The following ANKS1B variants were observed in gnomAD, a reference collection of about 807,000 sequenced individuals.
ANKS1B encodes ankyrin repeat and sterile alpha motif domain containing 1B.
ANKS1B carries 36 observed loss-of-function variants against 148.3 expected under a neutral mutation model. The observed-to-expected ratio is 0.24, with a 90% confidence interval of 0.19 to 0.32. The LOEUF (loss-of-function observed/expected upper bound fraction) is 0.32, where lower values mean the gene tolerates loss of function less well. Ranked by LOEUF, ANKS1B falls within the 10% of genes least tolerant of loss-of-function variation. The pLI is 1.00. For missense variants in ANKS1B, 1,157 were observed against 1,542.6 expected, an observed-to-expected ratio of 0.75 and a Z score of 4.19; for synonymous variants, 542 against 560.8, an observed-to-expected ratio of 0.97 and a Z score of 0.47.
chr12:99,051,198 C>G (rs1384231158), intron 17 of ANKS1B, among the ~76,000 whole-genome samples: 1 of 152,146 alleles, frequency 6.6e-6, no homozygotes, highest in Non-Finnish European at 1.5e-5. Context: ...AGTGCCCAAG[C>G]TTACATCTTA....
chr12:99,378,867 G>A (rs2093516482), intron 12 of ANKS1B, among the ~76,000 whole-genome samples: 1 of 152,174 alleles, frequency 6.6e-6, no homozygotes, highest in South Asian at 2.1e-4. Context: ...CTCTCAGAGA[G>A]TAGAACCAAA....
In ANKS1B at chr12:99,421,875, A is replaced by C. The variant is rs75848381; in HGVS notation, c.1575+21798T>G. The stretch of plus-strand genomic sequence containing the variant: ...CATGTCTTGGTGCTGTCCTCGTGGC[A>C]ATGTTTTCACAAGATCTGGTTGTTT... On this transcript the variant is annotated intron_variant, in intron 11 of 26. Coordinates refer to ENST00000683438, the MANE Select transcript of ANKS1B (RefSeq NM_001352186.2). 9.0e-3 allele frequency among the ~76,000 whole-genome samples: 1,366 copies of C among 152,170 alleles called. 23 individuals are homozygous for C. The highest frequency in any genetic ancestry group is 0.031 in the African/African-American group (1,288 of 41,506).
At chr12:98,929,411 G>T (rs2099811818) in intron 17 of ANKS1B, among the ~76,000 whole-genome samples, 1 of 151,952 alleles carries the variant, frequency 6.6e-6, no homozygotes, top group Admixed American at 6.6e-5. Context: ...CTTATTTGTA[G>T]AAATTAATGA....
chr12:99,491,288 G>A lies in ANKS1B; in HGVS notation c.1438+13188C>T, dbSNP rs188796557. 1.7e-4 allele frequency among the ~76,000 whole-genome samples: 25 copies of A among 149,084 alleles called. No homozygotes were observed. The East Asian group carries it at 4.2e-3, about 25-fold the overall frequency. ...CCACTGCACTCCAGCCTGGGCGACA[G>A]AGCAAGGCTCCATCTCAGAAAAAAA... On this transcript the variant is annotated intron_variant, in intron 10 of 26. Transcript: ENST00000683438.
At chr12:99,453,406 C>T (rs533804213) in intron 10 of ANKS1B, among the ~76,000 whole-genome samples, 1 of 152,324 alleles carries the variant, frequency 6.6e-6, no homozygotes, top group East Asian at 1.9e-4. Flanking sequence ...AGATCTCTTG[C>T]ACTGAGGAAA....
At chr12:99,569,314 T>G (rs558386002) in intron 9 of ANKS1B, among the ~76,000 whole-genome samples, 1 of 152,320 alleles carries the variant, frequency 6.6e-6, no homozygotes, top group South Asian at 2.1e-4. Context: ...TGAAAAGTGC[T>G]GGGGAACTGG....
At chr12:99,873,731 C>T (rs1044646175) in intron 1 of ANKS1B, among the ~76,000 whole-genome samples, 13 of 152,168 alleles carry the variant, frequency 8.5e-5, no homozygotes, top group South Asian at 2.1e-4. Flanking sequence ...TCAAAGATTC[C>T]ATGATGGCAA....
At chr12:99,181,775 A>G (rs909099311) in intron 14 of ANKS1B, among the ~76,000 whole-genome samples, 1 of 152,000 alleles carries the variant, frequency 6.6e-6, no homozygotes, top group Non-Finnish European at 1.5e-5. Flanking sequence ...CAACAGAAGC[A>G]TTTATTCTTT....
At chr12:99,085,852 C>T (rs1173517139) in intron 15 of ANKS1B, among the ~76,000 whole-genome samples, 4 of 151,876 alleles carry the variant, frequency 2.6e-5, no homozygotes, top group South Asian at 2.1e-4. Context: ...TACACGCTGG[C>T]GCCTGTTGGA....
At chr12:98,812,891 G>A (rs776927170) in intron 19 of ANKS1B, among the ~76,000 whole-genome samples, 4 of 152,124 alleles carry the variant, frequency 2.6e-5, no homozygotes, top group Non-Finnish European at 5.9e-5. Flanking sequence ...TCCAGATACC[G>A]CAGTAGTTTT....
intron 19 of ANKS1B, 57 bp from the exon 20 acceptor site, chr12:98,807,975 A>T: frequency 5.2e-6 from 7 of 1,338,034 alleles, no homozygotes; most frequent in Non-Finnish European, 7.4e-6. Context: ...GGCAGCTACC[A>T]AGGTAGCATC....
chr12:98,922,499 T>C (rs2099802765), intron 17 of ANKS1B, among the ~76,000 whole-genome samples: 1 of 152,120 alleles, frequency 6.6e-6, no homozygotes, highest in Admixed American at 6.5e-5. Flanking sequence ...CTTATTATTA[T>C]TTTATTTTTA....
intron 1 of ANKS1B, among the ~76,000 whole-genome samples, chr12:99,974,544 T>C (rs991476015): frequency 2.0e-5 from 3 of 152,114 alleles, no homozygotes; most frequent in African/African-American, 7.2e-5. Flanking sequence ...ATTTCTCATG[T>C]CTCCAGTCAA....
intron 9 of ANKS1B, among the ~76,000 whole-genome samples, chr12:99,633,284 A>G (rs1267053582): frequency 1.3e-5 from 2 of 152,120 alleles, no homozygotes; most frequent in Non-Finnish European, 2.9e-5. Context: ...GTACCAAAAC[A>G]GAGATACAGA....
At chr12:99,084,322 G>A (rs867177156) in intron 16 of ANKS1B, among the ~76,000 whole-genome samples, 6 of 152,148 alleles carry the variant, frequency 3.9e-5, no homozygotes, top group African/African-American at 1.4e-4. Flanking sequence ...CACCTGGGGG[G>A]CCAGAACTGA....
chr12:99,463,721 G>T, intron 10 of ANKS1B, among the ~76,000 whole-genome samples: 1 of 152,194 alleles, frequency 6.6e-6, no homozygotes, highest in African/African-American at 2.4e-5. Flanking sequence ...ACTGCAAGGT[G>T]GCAGCGAGGC....
intron 1 of ANKS1B, among the ~76,000 whole-genome samples, chr12:99,930,071 C>T (rs1460092494): frequency 6.6e-6 from 1 of 151,896 alleles, no homozygotes; most frequent in African/African-American, 2.4e-5. Context: ...GGCATTGAAT[C>T]TATAAATTAC....
At chr12:99,851,272 T>C (rs1197314711) in intron 1 of ANKS1B, among the ~76,000 whole-genome samples, 1 of 152,128 alleles carries the variant, frequency 6.6e-6, no homozygotes, top group Non-Finnish European at 1.5e-5. Context: ...GTTCAGAGAA[T>C]TATTAACATT....
intron 1 of ANKS1B, among the ~76,000 whole-genome samples, chr12:99,964,263 C>A (rs765846686): frequency 9.9e-5 from 15 of 152,150 alleles, no homozygotes; most frequent in Non-Finnish European, 2.1e-4. Flanking sequence ...TCTGATGTTA[C>A]CTAAAATCAT....
Sources: allele counts gnomAD v4.1 joint callset (sites outside exome capture counted in the v4.1 genomes callset), GRCh38; gene constraint gnomAD v4.1.1; transcripts MANE v1.5; gene names NCBI Gene and HGNC (gene_info 2026-07-23, HGNC 2026-07-21).